The following PTPRN2 variants were observed in gnomAD, a reference collection of about 807,000 sequenced individuals.
PTPRN2 encodes the protein protein tyrosine phosphatase receptor type N2, also known as receptor-type tyrosine-protein phosphatase N2.
PTPRN2 carries 74 observed loss-of-function variants against 118.8 expected under a neutral mutation model. That is an observed-to-expected ratio of 0.62 (90% CI 0.52 to 0.76). The LOEUF (loss-of-function observed/expected upper bound fraction) is 0.76, where lower values mean the gene tolerates loss of function less well. PTPRN2 is among the 30% of genes least tolerant of loss of function. PTPRN2 has a pLI of 0.00. For missense variants in PTPRN2, 1,481 were observed against 1,394.4 expected, an observed-to-expected ratio of 1.06 and a Z score of -0.99; for synonymous variants, 641 against 608.0, an observed-to-expected ratio of 1.05 and a Z score of -0.80.
chr7:157,682,494 G>A (rs1357681716), intron 13 of PTPRN2, among the ~76,000 whole-genome samples: 5 of 152,166 alleles, frequency 3.3e-5, no homozygotes, highest in African/African-American at 1.2e-4. Flanking sequence ...TTCTTCCAGA[G>A]TTAACACGAG....
At chr7:158,329,914 G>A (rs115224630) in intron 2 of PTPRN2, among the ~76,000 whole-genome samples, 5 of 151,950 alleles carry the variant, frequency 3.3e-5, no homozygotes, top group African/African-American at 1.2e-4. Context: ...TGGAGTGACT[G>A]GCAGAGTGTC....
At chr7:157,569,017 G>A (rs760634608) in intron 20 of PTPRN2, 51 bp from the exon 21 acceptor site, 1 of 1,480,068 alleles carries the variant, frequency 6.8e-7, no homozygotes, top group Non-Finnish European at 9.4e-7. Flanking sequence ...ACGGAAGCCC[G>A]ACCCACAACA....
chr7:158,362,804 C>G (rs1809104339), intron 2 of PTPRN2, among the ~76,000 whole-genome samples: 1 of 152,176 alleles, frequency 6.6e-6, no homozygotes, highest in Admixed American at 6.5e-5. Flanking sequence ...CTGCAGATTT[C>G]CAAGGGTTAG....
intron 6 of PTPRN2, among the ~76,000 whole-genome samples, chr7:158,147,291 C>T (rs369954397): frequency 5.0e-4 from 55 of 110,408 alleles, no homozygotes; most frequent in African/African-American, 1.8e-3. Flanking sequence ...TGTCTTTCCC[C>T]TTCAATGACA....
Position 157,711,879 on chromosome 7 carries a change from G to A in PTPRN2, c.1789-28942C>T, listed in dbSNP as rs945684170. ...CTAAATCCTTCGTGGGCCACAACAG[G>A]GTAGACATCAGGGGCTGTAGCCTCC... On this transcript the variant is annotated intron_variant, in intron 12 of 22. Transcript: ENST00000389418. Among the ~76,000 whole-genome samples the A allele has an allele frequency of 3.4e-5, 5 of 147,912 alleles. No individual in the cohort carries two copies. The East Asian group carries it at 7.8e-4, about 23-fold the overall frequency.
intron 12 of PTPRN2, among the ~76,000 whole-genome samples, chr7:157,687,025 A>G (rs1797230719): frequency 6.6e-6 from 1 of 152,172 alleles, no homozygotes; most frequent in Non-Finnish European, 1.5e-5. Context: ...TAGAATAGAC[A>G]GTATTGCAAA....
chr7:158,173,664 G>A (rs1356998957), intron 5 of PTPRN2, among the ~76,000 whole-genome samples: 1 of 152,198 alleles, frequency 6.6e-6, no homozygotes, highest in African/African-American at 2.4e-5. Flanking sequence ...TGAGGGCACT[G>A]CAGGAGACCA....
At chr7:158,181,399 C>A (rs1424064007) in intron 5 of PTPRN2, among the ~76,000 whole-genome samples, 1 of 152,016 alleles carries the variant, frequency 6.6e-6, no homozygotes, top group Admixed American at 6.5e-5. Flanking sequence ...CTATAGTTTG[C>A]TTTTGTTCAT....
At chr7:158,303,288 G>A (rs1395783521) in intron 3 of PTPRN2, among the ~76,000 whole-genome samples, 6 of 151,926 alleles carry the variant, frequency 3.9e-5, no homozygotes, top group Non-Finnish European at 8.8e-5. Context: ...TTGGAATTCC[G>A]CTCTCCATTC....
intron 10 of PTPRN2, among the ~76,000 whole-genome samples, chr7:158,096,146 C>A (rs528352537): frequency 3.3e-5 from 5 of 152,228 alleles, no homozygotes; most frequent in Admixed American, 6.5e-5. Flanking sequence ...CAAACCTCCA[C>A]AGCAGACGTT....
At chr7:158,576,548 G>A (rs1828330227) in intron 1 of PTPRN2, among the ~76,000 whole-genome samples, 1 of 152,162 alleles carries the variant, frequency 6.6e-6, no homozygotes, top group African/African-American at 2.4e-5. Context: ...AGGCCTCCGG[G>A]GAGTAACATG....
intron 13 of PTPRN2, chr7:157,669,456 C>G (rs901275261): frequency 2.2e-6 from 1 of 458,740 alleles, no homozygotes; most frequent in African/African-American, 2.0e-5. Flanking sequence ...GGAGGATGCC[C>G]CTGACAGCAG....
chr7:158,470,994 C>T (rs1264638626), intron 2 of PTPRN2, among the ~76,000 whole-genome samples: 1 of 152,034 alleles, frequency 6.6e-6, no homozygotes, highest in Non-Finnish European at 1.5e-5. Flanking sequence ...CCACCATGCC[C>T]GACTAATTCT....
At chr7:158,260,048 T>A (rs781460763) in intron 3 of PTPRN2, among the ~76,000 whole-genome samples, 1 of 89,628 alleles carries the variant, frequency 1.1e-5, no homozygotes, top group East Asian at 2.9e-4. Context: ...TGTGTGTACA[T>A]GTGTGTGCAT....
rs1393272943 is a variant in PTPRN2 at position 157,595,325 on chromosome 7, CAA to C, written c.2419-12_2419-11del. On this transcript the variant is annotated splice_polypyrimidine_tract_variant and intron_variant, in intron 16 of 22. Coordinates refer to ENST00000389418, the MANE Select transcript of PTPRN2 (RefSeq NM_002847.5). Reference sequence around the variant, plus strand: ...TCGGGTCGTGATCCATCTGCAGAGACAAGACCACACCACAGCGGTTAGCCAGG... The same window carrying C: ...TCGGGTCGTGATCCATCTGCAGAGACGACCACACCACAGCGGTTAGCCAGG... The C allele has an allele frequency of 1.9e-6, 3 of 1,613,268 alleles. No homozygotes were observed. The South Asian group carries it at 3.3e-5, about 18-fold the overall frequency.
intron 14 of PTPRN2, among the ~76,000 whole-genome samples, chr7:157,650,463 C>T (rs539023299): frequency 8.5e-5 from 13 of 152,394 alleles, no homozygotes; most frequent in African/African-American, 3.1e-4. Context: ...CCTGCCGTGT[C>T]TGTGAACGCA....
At chr7:158,376,049 A>G (rs998895529) in intron 2 of PTPRN2, among the ~76,000 whole-genome samples, 3 of 152,180 alleles carry the variant, frequency 2.0e-5, no homozygotes, top group Admixed American at 6.5e-5. Flanking sequence ...TGTGGGTGGC[A>G]ACTGCTAAAA....
intron 3 of PTPRN2, among the ~76,000 whole-genome samples, chr7:158,251,812 A>G (rs1251611392): frequency 6.6e-6 from 1 of 152,114 alleles, no homozygotes; most frequent in Admixed American, 6.5e-5. Flanking sequence ...CGTATAGAGC[A>G]CAGACACACA....
At chr7:158,348,371 T>C (rs61030104) in intron 2 of PTPRN2, among the ~76,000 whole-genome samples, 77 of 84,374 alleles carry the variant, frequency 9.1e-4, no homozygotes, top group African/African-American at 4.2e-3. Flanking sequence ...GGGGTCCCCA[T>C]TCACAGCCCC....
Sources: allele counts gnomAD v4.1 joint callset (sites outside exome capture counted in the v4.1 genomes callset), GRCh38; gene constraint gnomAD v4.1.1; transcripts MANE v1.5; gene names NCBI Gene and HGNC (gene_info 2026-07-23, HGNC 2026-07-21).